CCDC146: variants seen among roughly 807,000 people sequenced by gnomAD.
CCDC146 encodes the protein coiled-coil domain-containing protein 146.
In CCDC146, 92 loss-of-function variants were observed where a neutral mutation model predicts 119.3. The ratio of observed to expected loss-of-function variants is 0.77; its 90% CI spans 0.65 to 0.92. The LOEUF is 0.92. CCDC146 is among the 40% of genes least tolerant of loss of function. The pLI, the probability that CCDC146 is intolerant of heterozygous loss-of-function variation, is 0.00. For synonymous variants in CCDC146, 372 were observed against 371.8 expected, an observed-to-expected ratio of 1.00 and a Z score of -0.01; for missense variants, 1,000 against 1,103.0, an observed-to-expected ratio of 0.91 and a Z score of 1.32.
intron 1 of CCDC146, among the ~76,000 whole-genome samples, chr7:77,141,635 G>A (rs1185321332): frequency 3.9e-5 from 6 of 152,114 alleles, no homozygotes; most frequent in East Asian, 1.9e-4. Context: ...ATGGCATCTC[G>A]TTGTGGTTTT....
intron 2 of CCDC146, among the ~76,000 whole-genome samples, chr7:77,211,605 T>A (rs34672590): frequency 6.6e-6 from 1 of 151,550 alleles, no homozygotes; most frequent in Admixed American, 6.6e-5. Context: ...TTTATTTTTT[T>A]TATTTTTATT....
chr7:77,271,529 T>G (rs1287242143), intron 9 of CCDC146, among the ~76,000 whole-genome samples: 4 of 3,344 alleles, frequency 1.2e-3, no homozygotes, highest in African/African-American at 1.2e-3. Flanking sequence ...TATATATATA[T>G]ATATATATAT....
chr7:77,261,811 G>A (rs1422896120), intron 8 of CCDC146, among the ~76,000 whole-genome samples: 1 of 152,214 alleles, frequency 6.6e-6, no homozygotes, highest in African/African-American at 2.4e-5. Context: ...ATAGTCTGTG[G>A]CATATGTACC....
chr7:77,184,981 C>A (rs1213780321), intron 2 of CCDC146, among the ~76,000 whole-genome samples: 1 of 152,096 alleles, frequency 6.6e-6, no homozygotes, highest in Non-Finnish European at 1.5e-5. Flanking sequence ...CTATGTGTAT[C>A]TGTTACCCAT....
chr7:77,177,083 A>G (rs1165487261), intron 2 of CCDC146, among the ~76,000 whole-genome samples: 1 of 151,856 alleles, frequency 6.6e-6, no homozygotes, highest in Non-Finnish European at 1.5e-5. Context: ...TGATCTACCC[A>G]CCTCGGCCTC....
intron 2 of CCDC146, chr7:77,198,223 C>CT (rs1791912680): frequency 1.0e-6 from 1 of 985,354 alleles, no homozygotes; most frequent in African/African-American, 1.7e-5. Flanking sequence ...CCCTTCCCTC[C>CT]TTCACTGGCA....
At chr7:77,216,937 TCA>T (rs1160993899) in intron 2 of CCDC146, among the ~76,000 whole-genome samples, 1 of 151,636 alleles carries the variant, frequency 6.6e-6, no homozygotes. Flanking sequence ...ACACATTTTC[TCA>T]CAGTGTCTTC....
chr7:77,233,042 T>C (rs1792662309), intron 2 of CCDC146, among the ~76,000 whole-genome samples: 1 of 152,138 alleles, frequency 6.6e-6, no homozygotes, highest in Admixed American at 6.6e-5. Context: ...TAAATGGTTG[T>C]CTCAGATTAT....
intron 2 of CCDC146, among the ~76,000 whole-genome samples, chr7:77,210,414 C>T (rs570080381): frequency 1.3e-5 from 2 of 152,184 alleles, no homozygotes; most frequent in East Asian, 3.9e-4. Flanking sequence ...AGTTCTTCAT[C>T]TCTATCTGAG....
At chr7:77,165,787 T>G (rs1176755088) in intron 1 of CCDC146, among the ~76,000 whole-genome samples, 4 of 152,128 alleles carry the variant, frequency 2.6e-5, no homozygotes, top group Admixed American at 6.5e-5. Flanking sequence ...TGCAGAAAAC[T>G]TTTTTAGTAA....
chr7:77,276,207 A>AAAAAAC (rs754085953), intron 11 of CCDC146, among the ~76,000 whole-genome samples: 26 of 151,030 alleles, frequency 1.7e-4, no homozygotes, highest in Admixed American at 4.6e-4. Context: ...CTTCCTCTCA[A>AAAAAAC]AAATAAAAAA....
intron 1 of CCDC146, among the ~76,000 whole-genome samples, chr7:77,167,249 C>T (rs1264713975): frequency 3.3e-5 from 5 of 152,046 alleles, no homozygotes; most frequent in Admixed American, 1.3e-4. Context: ...GAAATATGTA[C>T]AATGTATAGA....
intron 17 of CCDC146, among the ~76,000 whole-genome samples, chr7:77,291,941 A>AT (rs1336030937): frequency 6.6e-6 from 1 of 152,128 alleles, no homozygotes; most frequent in Non-Finnish European, 1.5e-5. Flanking sequence ...ATTCTACCAG[A>AT]TTTTTTCCCC....
intron 18 of CCDC146, 81 bp downstream of exon 18, chr7:77,293,281 A>G (rs1039377475): frequency 6.7e-6 from 10 of 1,491,568 alleles, no homozygotes; most frequent in South Asian, 1.3e-5. Context: ...ATCCCACAGT[A>G]TAAGAAAAAT....
At chr7:77,122,865 A>C (rs1408934763) in intron 1 of CCDC146, 133 bp downstream of exon 1, 2 of 152,888 alleles carry the variant, frequency 1.3e-5, no homozygotes, top group African/African-American at 2.4e-5. Flanking sequence ...TAAGAGAGTA[A>C]AGAGCAAGAT....
chr7:77,289,402 C>G (rs1255034301), intron 17 of CCDC146, among the ~76,000 whole-genome samples: 1 of 152,196 alleles, frequency 6.6e-6, no homozygotes, highest in Non-Finnish European at 1.5e-5. Flanking sequence ...CTTCCATGCT[C>G]TCCATTGGCT....
chr7:77,190,191 G>A (rs1031326136), intron 2 of CCDC146, among the ~76,000 whole-genome samples: 3 of 152,194 alleles, frequency 2.0e-5, no homozygotes, highest in African/African-American at 7.2e-5. Flanking sequence ...TAGTTACCAT[G>A]AGCTGCTATT....
intron 2 of CCDC146, among the ~76,000 whole-genome samples, chr7:77,223,932 T>C (rs1792454202): frequency 6.6e-6 from 1 of 152,186 alleles, no homozygotes; most frequent in Non-Finnish European, 1.5e-5. Context: ...AACTAATTGA[T>C]TCTACCTGGA....
At chr7:77,254,681 CT>C in intron 5 of CCDC146, 118 bp downstream of exon 5, 1 of 556,338 alleles carries the variant, frequency 1.8e-6, no homozygotes, top group East Asian at 3.2e-5. Flanking sequence ...ACTCTAAAGT[CT>C]TAACTGTGAA....
Sources: allele counts gnomAD v4.1 joint callset (sites outside exome capture counted in the v4.1 genomes callset), GRCh38; gene constraint gnomAD v4.1.1; transcripts MANE v1.5; gene names NCBI Gene and HGNC (gene_info 2026-07-23, HGNC 2026-07-21).